The following CDH13 variants were observed in gnomAD, a reference collection of about 807,000 sequenced individuals.
CDH13 encodes the protein cadherin-13.
In CDH13, 24 loss-of-function variants were observed where a neutral mutation model predicts 63.8. The ratio of observed to expected loss-of-function variants is 0.38; its 90% CI spans 0.27 to 0.53. The LOEUF (loss-of-function observed/expected upper bound fraction) is 0.53. Among genes scored for constraint, CDH13 ranks in the 20% least tolerant of loss-of-function variants. The pLI, the probability that CDH13 is intolerant of heterozygous loss-of-function variation, is 0.85. For synonymous variants in CDH13, 503 were observed against 355.3 expected, an observed-to-expected ratio of 1.42 and a Z score of -4.67; for missense variants, 1,049 against 903.1, an observed-to-expected ratio of 1.16 and a Z score of -2.07.
At chr16:83,009,496 G>GAAT (rs1411813063) in intron 2 of CDH13, among the ~76,000 whole-genome samples, 3 of 152,070 alleles carry the variant, frequency 2.0e-5, no homozygotes, top group Admixed American at 6.5e-5. Flanking sequence ...TAGACAGCAG[G>GAAT]CATCATGATT....
intron 1 of CDH13, among the ~76,000 whole-genome samples, chr16:82,821,913 T>C (rs1264658992): frequency 1.3e-5 from 2 of 152,158 alleles, no homozygotes; most frequent in Admixed American, 6.5e-5. Context: ...ATCCTGGGGA[T>C]TGCACCTCCA....
chr16:82,744,406 C>G (rs911855946), intron 1 of CDH13, among the ~76,000 whole-genome samples: 1 of 152,090 alleles, frequency 6.6e-6, no homozygotes, highest in African/African-American at 2.4e-5. Flanking sequence ...GTAGCAGTAG[C>G]TTGAGTTTGG....
chr16:83,680,475 C>T (rs1022905066), intron 10 of CDH13, among the ~76,000 whole-genome samples: 1 of 152,124 alleles, frequency 6.6e-6, no homozygotes, highest in African/African-American at 2.4e-5. Flanking sequence ...AACAGGATTC[C>T]AGCCTGGGGA....
At chr16:83,341,401 C>G (rs2090719199) in intron 5 of CDH13, among the ~76,000 whole-genome samples, 1 of 152,140 alleles carries the variant, frequency 6.6e-6, no homozygotes, top group African/African-American at 2.4e-5. Context: ...GATGAAAACT[C>G]ACGGGAATGT....
intron 4 of CDH13, among the ~76,000 whole-genome samples, chr16:83,131,816 G>A (rs964485333): frequency 6.6e-6 from 1 of 152,148 alleles, no homozygotes; most frequent in Admixed American, 6.5e-5. Flanking sequence ...CATTTAGAAG[G>A]CCATCTTTAA....
chr16:83,501,891 T>C (rs761658740), intron 7 of CDH13, among the ~76,000 whole-genome samples: 2 of 152,252 alleles, frequency 1.3e-5, no homozygotes, highest in Non-Finnish European at 2.9e-5. Flanking sequence ...GGGAGCTTGA[T>C]TGAGTTTCCC....
chr16:83,749,078 G>A (rs1912856866), intron 11 of CDH13, among the ~76,000 whole-genome samples: 2 of 152,184 alleles, frequency 1.3e-5, no homozygotes. Context: ...TTGGTTTGGG[G>A]ACATGTTAAG....
rs948454767 is a variant in CDH13 at position 83,552,026 on chromosome 16, T to A, written c.961-50428T>A. ...TGACAAAATGAATGGAATAAGTAATTGAATGGATTCATAAACTGATTCATT... is the reference window on the plus strand; with the variant it reads ...TGACAAAATGAATGGAATAAGTAATAGAATGGATTCATAAACTGATTCATT... On this transcript the variant is annotated intron_variant, in intron 7 of 13. Transcript: ENST00000567109. Among the ~76,000 whole-genome samples the A allele has an allele frequency of 3.3e-5, 5 of 152,326 alleles. No individual in the cohort carries two copies. The East Asian group carries it at 9.6e-4, about 29-fold the overall frequency.
chr16:83,198,295 C>G (rs2151762868), intron 4 of CDH13, among the ~76,000 whole-genome samples: 1 of 150,504 alleles, frequency 6.6e-6, no homozygotes, highest in East Asian at 2.0e-4. Flanking sequence ...TTCTGTACTC[C>G]AAATGTAACA....
intron 3 of CDH13, among the ~76,000 whole-genome samples, chr16:83,036,870 C>G (rs1040118702): frequency 6.6e-6 from 1 of 152,150 alleles, no homozygotes. Flanking sequence ...CCCACACAAG[C>G]CAGGGTCCAG....
rs2150993904 is a variant in CDH13 at position 82,702,860 on chromosome 16, G to A, written c.45+75723G>A. On this transcript the variant is annotated intron_variant, in intron 1 of 13. Coordinates refer to ENST00000567109, the MANE Select transcript of CDH13 (RefSeq NM_001257.5). The stretch of plus-strand genomic sequence containing the variant: ...ACAGCTTAGTGTGAGCTTCACCTTT[G>A]TCTCTAGATCTTCCTGTGCATTTAG... Among the ~76,000 whole-genome samples, 3 of 152,238 alleles carry A rather than the reference G, an allele frequency of 2.0e-5. No homozygotes were observed. The South Asian group carries it at 6.2e-4, about 32-fold the overall frequency.
intron 5 of CDH13, among the ~76,000 whole-genome samples, chr16:83,261,994 A>C (rs1289342695): frequency 6.6e-6 from 1 of 152,032 alleles, no homozygotes; most frequent in African/African-American, 2.4e-5. Context: ...TTTTAATTCA[A>C]CCGTAACCTG....
intron 10 of CDH13, among the ~76,000 whole-genome samples, chr16:83,715,693 G>A (rs1338440035): frequency 2.6e-5 from 4 of 152,234 alleles, no homozygotes; most frequent in Non-Finnish European, 4.4e-5. Context: ...CTGGTGGACA[G>A]TCTGATGCTC....
intron 6 of CDH13, among the ~76,000 whole-genome samples, chr16:83,426,238 G>T (rs1224100061): frequency 6.6e-6 from 1 of 151,980 alleles, no homozygotes; most frequent in Non-Finnish European, 1.5e-5. Context: ...AGATTCTAGG[G>T]CTCTGGATTC....
At chr16:83,381,740 A>C (rs984611666) in intron 6 of CDH13, among the ~76,000 whole-genome samples, 1 of 152,110 alleles carries the variant, frequency 6.6e-6, no homozygotes. Context: ...AAAAGTACCA[A>C]GAGGATAAAC....
intron 1 of CDH13, among the ~76,000 whole-genome samples, chr16:82,793,676 C>T (rs138312681): frequency 9.2e-5 from 14 of 152,264 alleles, no homozygotes; most frequent in African/African-American, 2.6e-4. Flanking sequence ...TTTTATTCTC[C>T]GCAGCCTCCT....
In CDH13 at chr16:83,216,427, T is replaced by TATATATATAAATATATATATAA. The variant is rs1555513893; in HGVS notation, c.484-909_484-908insAATATATATATAAATATATATA. ...ATATATATATATATATATATATATA[T>TATATATATAAATATATATATAA]ATATATATATATATATACACAACCC... On this transcript the variant is annotated intron_variant, in intron 4 of 13. Transcript: ENST00000567109. Among the ~76,000 whole-genome samples, 3 of 45,070 alleles carry TATATATATAAATATATATATAA rather than the reference T, an allele frequency of 6.7e-5. No homozygotes were observed. In the East Asian group the frequency reaches 2.5e-3, roughly 38 times the overall value. The allele number at this position is 45,070 out of a possible 152,430, so 29.6% of individuals were successfully genotyped here. A position where few individuals can be genotyped will look rare whatever the true frequency, so the allele number is the denominator to read the frequency against.
intron 1 of CDH13, among the ~76,000 whole-genome samples, chr16:82,679,923 G>A (rs1022224828): frequency 7.9e-5 from 12 of 152,200 alleles, no homozygotes; most frequent in African/African-American, 2.7e-4. Flanking sequence ...TCACGAGTAT[G>A]AGCCCACAGG....
At chr16:82,745,043 T>A (rs1333123690) in intron 1 of CDH13, among the ~76,000 whole-genome samples, 1 of 152,162 alleles carries the variant, frequency 6.6e-6, no homozygotes, top group Non-Finnish European at 1.5e-5. Flanking sequence ...AGAAATGCAA[T>A]CTAGTGACAA....
Sources: allele counts gnomAD v4.1 joint callset (sites outside exome capture counted in the v4.1 genomes callset), GRCh38; gene constraint gnomAD v4.1.1; transcripts MANE v1.5; gene names NCBI Gene and HGNC (gene_info 2026-07-23, HGNC 2026-07-21).